Variants in TMEM232 observed in about 807,000 individuals in gnomAD.
The protein encoded by TMEM232 is transmembrane protein 232.
TMEM232 carries 80 observed loss-of-function variants against 78.8 expected under a neutral mutation model. That is an observed-to-expected ratio of 1.01 (90% CI 0.85 to 1.22). The LOEUF is 1.22. Ranked by LOEUF, TMEM232 falls within the 50% of genes most tolerant of loss-of-function variation. TMEM232 has a pLI of 0.00. For missense variants in TMEM232, 881 were observed against 742.2 expected (o/e 1.19, Z -2.17); for synonymous variants, 297 against 254.3 (o/e 1.17, Z -1.60).
At chr5:110,648,657 G>T (rs1787858524) in intron 2 of TMEM232, among the ~76,000 whole-genome samples, 1 of 151,614 alleles carries the variant, frequency 6.6e-6, no homozygotes, top group Non-Finnish European at 1.5e-5. Flanking sequence ...TGTGTTACTG[G>T]GACCACCGCT....
intron 1 of TMEM232, among the ~76,000 whole-genome samples, chr5:110,704,191 G>A (rs139950607): frequency 7.2e-5 from 11 of 152,192 alleles, no homozygotes; most frequent in African/African-American, 1.9e-4. Flanking sequence ...TATGTTTATT[G>A]GAAGAGACAT....
At chr5:110,630,853 G>A (rs1785035845) in intron 5 of TMEM232, among the ~76,000 whole-genome samples, 1 of 152,068 alleles carries the variant, frequency 6.6e-6, no homozygotes, top group African/African-American at 2.4e-5. Context: ...CCCTACCATG[G>A]ACTGCGGCAA....
intron 8 of TMEM232, 73 bp downstream of exon 8, chr5:110,618,356 T>C: frequency 6.6e-7 from 1 of 1,523,082 alleles, no homozygotes. Flanking sequence ...AACATTTAGG[T>C]ACAAGGGTTA....
chr5:110,665,576 T>C (rs1400190684), intron 2 of TMEM232, among the ~76,000 whole-genome samples: 1 of 152,010 alleles, frequency 6.6e-6, no homozygotes, highest in Non-Finnish European at 1.5e-5. Flanking sequence ...ACAACCAGAC[T>C]GCATAAGGAC....
At chr5:110,606,133 T>C (rs773413654) in intron 9 of TMEM232, 31 bp downstream of exon 9, 14 of 1,520,346 alleles carry the variant, frequency 9.2e-6, no homozygotes, top group Non-Finnish European at 1.2e-5. Flanking sequence ...TCTCTTCGGT[T>C]CTCTTTTCAC....
intron 10 of TMEM232, among the ~76,000 whole-genome samples, chr5:110,574,443 G>A (rs189865595): frequency 6.6e-6 from 1 of 152,150 alleles, no homozygotes; most frequent in African/African-American, 2.4e-5. Context: ...TAATCTCATA[G>A]GCCTTGGAAT....
chr5:110,450,302 C>T (rs1760128662), intron 12 of TMEM232, among the ~76,000 whole-genome samples: 1 of 152,118 alleles, frequency 6.6e-6, no homozygotes, highest in Non-Finnish European at 1.5e-5. Flanking sequence ...TCTTCTCCGT[C>T]TCTTGCTTTT....
intron 12 of TMEM232, among the ~76,000 whole-genome samples, chr5:110,519,071 A>C (rs1052520635): frequency 6.6e-6 from 1 of 152,208 alleles, no homozygotes; most frequent in Non-Finnish European, 1.5e-5. Context: ...TAATTACAGG[A>C]CCACAATGGA....
chr5:110,663,601 G>A (rs934316605), intron 2 of TMEM232, among the ~76,000 whole-genome samples: 1 of 151,876 alleles, frequency 6.6e-6, no homozygotes, highest in African/African-American at 2.4e-5. Flanking sequence ...GATATACCAT[G>A]TTTCTAAACT....
intron 1 of TMEM232, among the ~76,000 whole-genome samples, chr5:110,682,190 GC>G (rs1421428774): frequency 6.6e-6 from 1 of 152,060 alleles, no homozygotes; most frequent in Non-Finnish European, 1.5e-5. Context: ...GGAAATAATA[GC>G]TTTAAGTAAA....
At chr5:110,593,524 T>A (rs953421495) in intron 10 of TMEM232, among the ~76,000 whole-genome samples, 4 of 152,252 alleles carry the variant, frequency 2.6e-5, no homozygotes, top group African/African-American at 7.2e-5. Flanking sequence ...TGCAACCACA[T>A]ATATGGAACT....
intron 10 of TMEM232, 84 bp from the exon 11 acceptor site, chr5:110,568,709 T>G (rs1364566061): frequency 7.8e-7 from 1 of 1,276,514 alleles, no homozygotes; most frequent in East Asian, 2.7e-5. Flanking sequence ...ATAAACCAAT[T>G]TTACTATAAT....
At chr5:110,477,729 T>C (rs540787596) in intron 12 of TMEM232, among the ~76,000 whole-genome samples, 98 of 151,984 alleles carry the variant, frequency 6.4e-4, no homozygotes, top group African/African-American at 2.3e-3. Flanking sequence ...TGATAAACCA[T>C]TGTCAACTTA....
At chr5:110,620,126 C>T (rs1783445999) in intron 7 of TMEM232, among the ~76,000 whole-genome samples, 1 of 152,066 alleles carries the variant, frequency 6.6e-6, no homozygotes, top group Non-Finnish European at 1.5e-5. Flanking sequence ...AGGATTTAGA[C>T]AACGAACAAG....
chr5:110,456,971 T>C (rs2149346889), intron 12 of TMEM232, among the ~76,000 whole-genome samples: 1 of 152,262 alleles, frequency 6.6e-6, no homozygotes, highest in Middle Eastern at 3.4e-3. Flanking sequence ...GCAAGATTTC[T>C]TAGTTACTAT....
At chr5:110,649,953 C>T (rs529403193) in intron 2 of TMEM232, among the ~76,000 whole-genome samples, 18 of 152,032 alleles carry the variant, frequency 1.2e-4, no homozygotes, top group Admixed American at 4.6e-4. Context: ...AATTTCTTTG[C>T]CTGTAAAATG....
intron 11 of TMEM232, among the ~76,000 whole-genome samples, chr5:110,556,123 T>G (rs1376000629): frequency 2.0e-5 from 3 of 152,140 alleles, no homozygotes; most frequent in Non-Finnish European, 4.4e-5. Flanking sequence ...CCAGTAACAG[T>G]CTTTCATTTC....
intron 12 of TMEM232, among the ~76,000 whole-genome samples, chr5:110,499,223 T>C (rs764723821): frequency 1.3e-5 from 2 of 152,060 alleles, no homozygotes. Flanking sequence ...ATAGTAAATT[T>C]TACATTAAGG....
chr5:110,693,161 C>T (rs949249558), intron 1 of TMEM232, among the ~76,000 whole-genome samples: 1 of 152,130 alleles, frequency 6.6e-6, no homozygotes, highest in Non-Finnish European at 1.5e-5. Context: ...TCCACTGTTC[C>T]GCAGCCACTG....
Sources: allele counts gnomAD v4.1 joint callset (sites outside exome capture counted in the v4.1 genomes callset), GRCh38; gene constraint gnomAD v4.1.1; transcripts MANE v1.5; gene names NCBI Gene and HGNC (gene_info 2026-07-23, HGNC 2026-07-21).